Variants in KCNH2 observed in about 807,000 individuals in gnomAD.
KCNH2 encodes the protein voltage-gated inwardly rectifying potassium channel KCNH2.
A neutral mutation model predicts 95.9 loss-of-function variants in KCNH2; 35 were observed. That is an observed-to-expected ratio of 0.37 (90% confidence interval 0.28 to 0.48). The LOEUF is 0.48. Among genes scored for constraint, KCNH2 ranks in the 20% least tolerant of loss-of-function variants. KCNH2 has a pLI of 0.99. For missense variants in KCNH2, 1,274 were observed against 1,702.9 expected, an observed-to-expected ratio of 0.75 and a Z score of 4.43; for synonymous variants, 786 against 754.7, an observed-to-expected ratio of 1.04 and a Z score of -0.68.
chr7:150,974,362 G>C (rs1384019598), intron 2 of KCNH2, among the ~76,000 whole-genome samples: 1 of 152,098 alleles, frequency 6.6e-6, no homozygotes, highest in African/African-American at 2.4e-5. Context: ...CTCCATCCAC[G>C]CACGTACCTG....
rs762510312 is a variant in KCNH2 at position 150,946,956 on chromosome 7, G to A, written c.3251C>T (p.Pro1084Leu). 1.7e-5 allele frequency: 28 copies of A among 1,606,626 alleles called. No homozygotes were observed. Among genetic ancestry groups the A allele is most frequent in the East Asian group, 1.6e-4 (7 of 44,662 alleles). The change falls in exon 14 of 15, where the codon CCG becomes CTG. Residue 1084 changes from proline (P) to leucine (L), a missense_variant. Around this residue, in one of 7 missense-constraint regions of KCNH2, gnomAD observed 457 missense variants for 416.1 expected, o/e 1.10. Coordinates refer to ENST00000262186, the MANE Select transcript of KCNH2 (RefSeq NM_000238.4). The surrounding 1 kb of genome is among the most constrained non-coding windows in gnomAD (Gnocchi z 6.5). ...GGATGTGGAAGTGGGGCCAGGCCCC[G>A]GGGTGGTCACAGCACTGTAGGCGGG... ...VPPAYSAVTTPGPGPTSTSPL... is the reference protein window; with the variant it reads ...VPPAYSAVTTLGPGPTSTSPL...
At chr7:150,960,183 A>C (rs1220192162) in intron 2 of KCNH2, among the ~76,000 whole-genome samples, 2 of 152,184 alleles carry the variant, frequency 1.3e-5, no homozygotes, top group East Asian at 3.8e-4. Flanking sequence ...CATAGCCCGG[A>C]TCTGCTGCTT....
intron 2 of KCNH2, among the ~76,000 whole-genome samples, chr7:150,974,292 T>C (rs1801912118): frequency 6.6e-6 from 1 of 152,162 alleles, no homozygotes; most frequent in Non-Finnish European, 1.5e-5. Flanking sequence ...GCAACTGCCC[T>C]AAGGTAGATA....
intron 9 of KCNH2, chr7:150,949,494 C>A: frequency 1.3e-6 from 1 of 752,536 alleles, no homozygotes; most frequent in Non-Finnish European, 1.7e-6. Context: ...CTAGAATGAA[C>A]CACATGCAGT....
At chr7:150,960,347 G>A (rs1672810766) in intron 2 of KCNH2, among the ~76,000 whole-genome samples, 1 of 152,214 alleles carries the variant, frequency 6.6e-6, no homozygotes, top group African/African-American at 2.4e-5. Flanking sequence ...ACACAGTGAT[G>A]TTGTGATACA....
In KCNH2 at chr7:150,947,662, C is replaced by G. The variant is rs1388839859; in HGVS notation, c.2909G>C (p.Gly970Ala). The change falls in exon 12 of 15, where the codon GGG becomes GCG. Residue 970 changes from glycine to alanine, a missense_variant. By Grantham distance (60) the Gly-to-Ala change is moderately conservative. Transcript: ENST00000262186. ...SPRPPGEPPGGEPLMEDCEKS... is the reference protein window; with the variant it reads ...SPRPPGEPPGAEPLMEDCEKS... ...CTCGCAGTCCTCCATCAGGGGCTCC[C>G]CACCCGGCGGCTCTCCGGGGGGCCT... is the stretch of plus-strand genomic sequence containing the variant. 6.2e-7 allele frequency: 1 copy of G among 1,609,540 alleles called. No individual in the cohort carries two copies. The highest frequency in any genetic ancestry group is 2.2e-5 in the East Asian group (1 of 44,704).
chr7:150,958,536 T>C lies in KCNH2; in HGVS notation c.473-34A>G, dbSNP rs758891. ...GAGGAGAGGCACGTGGTCGTGGGGA[T>C]CGCGAGCAGCCCCGGAGCGGGCAAG... On this transcript the variant is annotated intron_variant, in intron 3 of 14. Coordinates refer to ENST00000262186, the MANE Select transcript of KCNH2 (RefSeq NM_000238.4). 0.36 allele frequency: 528,222 copies of C among 1,457,914 alleles called. 101,001 individuals carry two copies. Among genetic ancestry groups the C allele is most frequent in the East Asian group, 0.79 (26,464 of 33,474 alleles). The allele number at this position is 1,457,914 out of a possible 1,614,324, so 90.3% of individuals were successfully genotyped here. A position where few individuals can be genotyped will look rare whatever the true frequency, so the allele number is the denominator to read the frequency against.
At position 150,946,856 on chromosome 7, in the gene KCNH2, G is replaced by A. The variant is rs367544578; in HGVS notation, c.3330+21C>T. The A allele has an allele frequency of 6.9e-6, 11 of 1,592,244 alleles. No individual in the cohort carries two copies. The African/African-American group carries it at 1.2e-4, about 17-fold the overall frequency. ...GAACAAGCGGGTCACGGTACATCGA[G>A]GAAGCAGGGCTGGAGCTTACCTGAG... On this transcript the variant is annotated intron_variant, in intron 14 of 14. Transcript: ENST00000262186. The surrounding 1 kb of genome is among the most constrained non-coding windows in gnomAD (Gnocchi z 6.5).
At chr7:150,975,571 C>T (rs1326149976) in intron 1 of KCNH2, among the ~76,000 whole-genome samples, 8 of 152,066 alleles carry the variant, frequency 5.3e-5, no homozygotes, top group Admixed American at 2.6e-4. Flanking sequence ...GGAAGTTACA[C>T]GTTGAACACC....
intron 2 of KCNH2, 88 bp from the exon 3 acceptor site, chr7:150,959,824 G>C (rs1411976190): frequency 2.1e-5 from 31 of 1,481,460 alleles, no homozygotes; most frequent in Non-Finnish European, 2.5e-5. Context: ...AACCCAAGTG[G>C]GCCCGTCCAC....
In KCNH2 at chr7:150,946,906, G is replaced by A. The variant is rs1347039291; in HGVS notation, c.3301C>T (p.Pro1101Ser). Residue 1101 changes from proline to serine, a missense_variant, in exon 14 of 15, where the codon CCC becomes TCC. Around this residue, in one of 7 missense-constraint regions of KCNH2, gnomAD observed 457 missense variants for 416.1 expected, o/e 1.10. Coordinates refer to ENST00000262186, the MANE Select transcript of KCNH2 (RefSeq NM_000238.4). This position sits in a 1 kb window ranked among gnomAD's most constrained non-coding sequence, Gnocchi z 6.5. Reference sequence around the variant, plus strand: ...GAAAGCGAGTCCAAGGTGAGGGTGGGGAGGGGGCTGACGGGCAACAGCGGG... The same window carrying A: ...GAAAGCGAGTCCAAGGTGAGGGTGGAGAGGGGGCTGACGGGCAACAGCGGG... ...TSPLLPVSPL[P>S]TLTLDSLSQV... 1.3e-6 allele frequency: 2 copies of A among 1,599,144 alleles called. No homozygotes were observed. Among genetic ancestry groups the A allele is most frequent in the Non-Finnish European group, 1.7e-6 (2 of 1,170,062 alleles).
intron 11 of KCNH2, 94 bp from the exon 12 acceptor site, chr7:150,947,972 G>A (rs1800983031): frequency 3.6e-6 from 5 of 1,384,360 alleles, no homozygotes; most frequent in Middle Eastern, 2.6e-4. Flanking sequence ...CCCGAGAGAG[G>A]ACTGGGCAGG....
At position 150,945,479 on chromosome 7, in the gene KCNH2, C is replaced by T. The variant is rs371473271; in HGVS notation, c.3366G>A (p.Pro1122=). The T allele has an allele frequency of 4.4e-5, 69 of 1,556,888 alleles. No individual in the cohort carries two copies. In the African/African-American group the frequency reaches 8.6e-4, roughly 19 times the overall value. ...SQFMACEELP[P]GAPELPQEGP... ...CTTCTTGGGGAAGCTCTGGGGCCCC[C>T]GGGGGCAGCTCCTCACACGCCATGA... The change falls in exon 15 of 15, where the codon CCG becomes CCA. Residue 1122 remains proline, a synonymous_variant. Coordinates refer to ENST00000262186, the MANE Select transcript of KCNH2 (RefSeq NM_000238.4). This position sits in a 1 kb window ranked among gnomAD's most constrained non-coding sequence, Gnocchi z 5.6.
rs1584883545 is a variant in KCNH2 at position 150,974,945 on chromosome 7, G to C, written c.77-4C>G. 1 of 1,588,546 alleles carries C rather than the reference G, an allele frequency of 6.3e-7. No homozygotes were observed. On this transcript the variant is annotated splice_region_variant and splice_polypyrimidine_tract_variant and intron_variant, in intron 1 of 14. Coordinates refer to ENST00000262186, the MANE Select transcript of KCNH2 (RefSeq NM_000238.4). ...TTGGCGATGATGAACTTACGGCCTAGGGGGGCGGGGAGGAGAGTGCGCGTG... is the reference window on the plus strand; with the variant it reads ...TTGGCGATGATGAACTTACGGCCTACGGGGGCGGGGAGGAGAGTGCGCGTG...
chr7:150,947,564 G>GCCACGCCCGGTCCTC, intron 12 of KCNH2, 42 bp downstream of exon 12: 1 of 1,606,504 alleles, frequency 6.2e-7, no homozygotes, highest in South Asian at 1.1e-5. Flanking sequence ...CACCACCGCT[G>GCCACGCCCGGTCCTC]CCACGCCCGG....
chr7:150,964,244 A>C (rs1801644597), intron 2 of KCNH2, among the ~76,000 whole-genome samples: 2 of 152,348 alleles, frequency 1.3e-5, no homozygotes, highest in African/African-American at 4.8e-5. Flanking sequence ...GTGCTATCAC[A>C]GCTTCTTCCC....
intron 2 of KCNH2, among the ~76,000 whole-genome samples, chr7:150,973,923 A>G (rs1364747655): frequency 6.6e-6 from 1 of 152,232 alleles, no homozygotes; most frequent in Non-Finnish European, 1.5e-5. Flanking sequence ...CCGCCTCTGC[A>G]GCCGGATTCT....
Position 150,961,332 on chromosome 7 carries a change from C to T in KCNH2, c.308-1596G>A, listed in dbSNP as rs1177477389. Among the ~76,000 whole-genome samples, 2 of 149,688 alleles carry T rather than the reference C, an allele frequency of 1.3e-5. No individual in the cohort carries two copies. The highest frequency in any genetic ancestry group is 4.9e-5 in the African/African-American group (2 of 40,494). On this transcript the variant is annotated intron_variant, in intron 2 of 14. Coordinates refer to ENST00000262186, the MANE Select transcript of KCNH2 (RefSeq NM_000238.4). This position sits in a 1 kb window ranked among gnomAD's most constrained non-coding sequence, Gnocchi z 6.2. ...TTTTTTTCTGAGACAGGGTTTCACT[C>T]TGTCACCCAGGGTGGAGTGCAGCGG...
intron 1 of KCNH2, among the ~76,000 whole-genome samples, chr7:150,976,730 A>ACCCCCCC (rs372819784): frequency 7.6e-6 from 1 of 132,390 alleles, no homozygotes; most frequent in African/African-American, 2.9e-5. Context: ...AGAATCCAGC[A>ACCCCCCC]CCCCCCCCCA....
Sources: allele counts gnomAD v4.1 joint callset (sites outside exome capture counted in the v4.1 genomes callset), GRCh38; gene constraint gnomAD v4.1.1; regional missense constraint gnomAD v4.1.1; non-coding constraint Gnocchi (gnomAD v3.1); transcripts MANE v1.5; gene names NCBI Gene and HGNC (gene_info 2026-07-23, HGNC 2026-07-21).